The following TFDP2 variants were observed in gnomAD, a reference collection of about 807,000 sequenced individuals.
The protein encoded by TFDP2 is transcription factor Dp-2 (E2F dimerization partner 2).
In TFDP2, 17 loss-of-function variants were observed where a neutral mutation model predicts 59.3. That is an observed-to-expected ratio of 0.29 (90% CI 0.20 to 0.43). The LOEUF is 0.43. Among genes scored for constraint, TFDP2 ranks in the 20% least tolerant of loss-of-function variants. The probability of loss-of-function intolerance (pLI) is 1.00; values close to 1 mark genes in which losing one functional copy is unlikely to be tolerated. For missense variants in TFDP2, 391 were observed against 528.8 expected, an observed-to-expected ratio of 0.74 and a Z score of 2.56; for synonymous variants, 180 against 194.7, an observed-to-expected ratio of 0.92 and a Z score of 0.63.
rs189134552 is a variant in TFDP2 at position 141,984,052 on chromosome 3, A to G, written c.357-5370T>C. On this transcript the variant is annotated intron_variant, in intron 6 of 12. Transcript: ENST00000489671. ...TTATTCACAATAGGTAAAATGTGGAAGCAACCCAACTGCCCACCAATGAAT... is the reference window on the plus strand; with the variant it reads ...TTATTCACAATAGGTAAAATGTGGAGGCAACCCAACTGCCCACCAATGAAT... 5.8e-3 allele frequency among the ~76,000 whole-genome samples: 854 copies of G among 146,628 alleles called. 3 individuals are homozygous for G. Among genetic ancestry groups the G allele is most frequent in the Non-Finnish European group, 8.8e-3 (585 of 66,542 alleles).
At chr3:142,011,304 A>G (rs1944660845) in intron 3 of TFDP2, among the ~76,000 whole-genome samples, 1 of 120,886 alleles carries the variant, frequency 8.3e-6, no homozygotes, top group Non-Finnish European at 1.7e-5. Flanking sequence ...CATGGATGAA[A>G]TTGGAAATCA....
Position 141,949,557 on chromosome 3 carries a change from C to A in TFDP2, c.*2956G>T, listed in dbSNP as rs116501399. On this transcript the variant is annotated 3_prime_UTR_variant, in exon 13 of 13. Coordinates refer to ENST00000489671, the MANE Select transcript of TFDP2 (RefSeq NM_001178139.2). The stretch of plus-strand genomic sequence containing the variant: ...GCTGCTGTGTGCCTAGGCAGCACCG[C>A]CCTACCCACTGAGGGCCAGGCACGC... The A allele has an allele frequency of 6.6e-6, 1 of 152,234 alleles. No individual in the cohort carries two copies. Among genetic ancestry groups the A allele is most frequent in the Non-Finnish European group, 1.5e-5 (1 of 68,098 alleles). 9.4% of individuals were successfully genotyped at this position (152,234 alleles called of 1,614,324 possible). A position where few individuals can be genotyped will look rare whatever the true frequency, so the allele number is the denominator to read the frequency against.
In TFDP2 at chr3:142,094,386, C is replaced by G. The variant is rs529328713; in HGVS notation, c.16-1259G>C. On this transcript the variant is annotated intron_variant, in intron 2 of 12. Coordinates refer to ENST00000489671, the MANE Select transcript of TFDP2 (RefSeq NM_001178139.2). ...ATGGCACCATCTTGGCTCACTGCAACCTCCGCCTCCCGGGTTCAAGTGATT... is the reference window on the plus strand; with the variant it reads ...ATGGCACCATCTTGGCTCACTGCAAGCTCCGCCTCCCGGGTTCAAGTGATT... Among the ~76,000 whole-genome samples, 5 of 151,108 alleles carry G rather than the reference C, an allele frequency of 3.3e-5. No homozygotes were observed. In the South Asian group the frequency reaches 6.3e-4, roughly 19 times the overall value.
In TFDP2 at chr3:142,101,793, A is replaced by T. The variant is rs2061325794; in HGVS notation, c.-44T>A. 8.2e-7 allele frequency: 1 copy of T among 1,222,442 alleles called. No homozygotes were observed. Among genetic ancestry groups the T allele is most frequent in the South Asian group, 2.1e-5 (1 of 48,586 alleles). 75.7% of individuals were successfully genotyped at this position (1,222,442 alleles called of 1,614,324 possible). A position where few individuals can be genotyped will look rare whatever the true frequency, so the allele number is the denominator to read the frequency against. ...TAAGATTCTGTAAAGCCATTAAAAA[A>T]ATAAAAAGAAAAAAACCTTCGTCTT... On this transcript the variant is annotated 5_prime_UTR_variant, in exon 2 of 13. Coordinates refer to ENST00000489671, the MANE Select transcript of TFDP2 (RefSeq NM_001178139.2).
chr3:142,118,133 A>G (rs1052493830), intron 1 of TFDP2, among the ~76,000 whole-genome samples: 3 of 152,124 alleles, frequency 2.0e-5, no homozygotes, highest in Non-Finnish European at 2.9e-5. Flanking sequence ...GGGGAGGATT[A>G]AAGAGCTTGC....
chr3:142,007,288 C>T (rs1944295712), intron 3 of TFDP2, among the ~76,000 whole-genome samples: 1 of 152,068 alleles, frequency 6.6e-6, no homozygotes, highest in Admixed American at 6.6e-5. Flanking sequence ...AGTCCTAGTA[C>T]CCAAATCTGC....
chr3:142,005,613 C>T, intron 3 of TFDP2, 69 bp from the exon 4 acceptor site: 1 of 995,316 alleles, frequency 1.0e-6, no homozygotes, highest in Non-Finnish European at 1.5e-6. Context: ...TATATACACA[C>T]CCATGGTCCT....
intron 6 of TFDP2, among the ~76,000 whole-genome samples, chr3:141,980,067 C>A (rs1941297183): frequency 6.6e-6 from 1 of 151,310 alleles, no homozygotes; most frequent in South Asian, 2.1e-4. Flanking sequence ...TGTCACCATG[C>A]CTCGCTAATT....
chr3:142,097,804 C>T (rs2061207392), intron 2 of TFDP2, among the ~76,000 whole-genome samples: 1 of 152,066 alleles, frequency 6.6e-6, no homozygotes. Context: ...TCCATAAACC[C>T]AGCAATTTAT....
chr3:141,963,674 A>G, intron 10 of TFDP2, 138 bp downstream of exon 10: 1 of 923,764 alleles, frequency 1.1e-6, no homozygotes, highest in Non-Finnish European at 1.6e-6. Context: ...CCCATGGTTC[A>G]GGAGGTGTTT....
intron 9 of TFDP2, among the ~76,000 whole-genome samples, chr3:141,964,947 T>C (rs931576638): frequency 6.6e-6 from 1 of 152,084 alleles, no homozygotes; most frequent in African/African-American, 2.4e-5. Context: ...TTATAACCAT[T>C]ACTCAAAAGC....
intron 3 of TFDP2, among the ~76,000 whole-genome samples, chr3:142,053,837 C>A (rs772749385): frequency 1.9e-4 from 29 of 152,156 alleles, no homozygotes; most frequent in Non-Finnish European, 3.5e-4. Context: ...AAGATTTAAA[C>A]ACTTATGTAA....
chr3:142,082,209 T>G (rs1395472421), intron 3 of TFDP2, among the ~76,000 whole-genome samples: 2 of 152,212 alleles, frequency 1.3e-5, no homozygotes, highest in Non-Finnish European at 1.5e-5. Flanking sequence ...GAGAATCTCA[T>G]GCCTGATGAT....
chr3:141,983,461 A>C (rs1941708233), intron 6 of TFDP2, among the ~76,000 whole-genome samples: 1 of 152,068 alleles, frequency 6.6e-6, no homozygotes, highest in Non-Finnish European at 1.5e-5. Flanking sequence ...ACATGGTGAA[A>C]CTCCATCTCC....
chr3:142,059,285 T>C (rs1195591223), intron 3 of TFDP2, among the ~76,000 whole-genome samples: 1 of 152,160 alleles, frequency 6.6e-6, no homozygotes, highest in African/African-American at 2.4e-5. Context: ...GATTTTCCAA[T>C]GACTGTATCA....
At chr3:142,067,493 C>T (rs1300495309) in intron 3 of TFDP2, among the ~76,000 whole-genome samples, 2 of 151,778 alleles carry the variant, frequency 1.3e-5, no homozygotes, top group African/African-American at 4.8e-5. Flanking sequence ...TAATGTAGAG[C>T]TATTCCATGC....
At chr3:142,089,233 GA>G (rs561451177) in intron 3 of TFDP2, among the ~76,000 whole-genome samples, 284 of 105,930 alleles carry the variant, frequency 2.7e-3, no homozygotes, top group African/African-American at 8.0e-3. Context: ...CTCCTCAGTA[GA>G]AAAAAAAAAA....
chr3:142,003,321 T>C (rs915528330), intron 4 of TFDP2, among the ~76,000 whole-genome samples: 4 of 151,584 alleles, frequency 2.6e-5, no homozygotes, highest in African/African-American at 9.7e-5. Flanking sequence ...TTAGTAGAGA[T>C]GGGTTTCACC....
At chr3:142,006,954 T>C (rs1199505861) in intron 3 of TFDP2, among the ~76,000 whole-genome samples, 2 of 152,056 alleles carry the variant, frequency 1.3e-5, no homozygotes, top group African/African-American at 2.4e-5. Context: ...TTTTTGTGTT[T>C]TAGTAAAGAT....
Sources: allele counts gnomAD v4.1 joint callset (sites outside exome capture counted in the v4.1 genomes callset), GRCh38; gene constraint gnomAD v4.1.1; transcripts MANE v1.5; gene names NCBI Gene and HGNC (gene_info 2026-07-23, HGNC 2026-07-21).